The following COG5 variants were observed in gnomAD, a reference collection of about 807,000 sequenced individuals.
COG5 encodes the protein component of oligomeric golgi complex 5.
COG5 carries 86 observed loss-of-function variants against 110.4 expected under a neutral mutation model. That is an observed-to-expected ratio of 0.78 (90% CI 0.65 to 0.93). The LOEUF (loss-of-function observed/expected upper bound fraction) is 0.93. Among genes scored for constraint, COG5 ranks in the 40% least tolerant of loss-of-function variants. The pLI is 0.00. For synonymous variants in COG5, 360 were observed against 334.6 expected (o/e 1.08, Z -0.83); for missense variants, 1,077 against 987.0 (o/e 1.09, Z -1.22).
At chr7:107,371,920 C>A (rs1011316271) in intron 8 of COG5, among the ~76,000 whole-genome samples, 1 of 152,072 alleles carries the variant, frequency 6.6e-6, no homozygotes, top group East Asian at 1.9e-4. Flanking sequence ...AGGGGAGAAA[C>A]AGAGAGATGG....
intron 17 of COG5, among the ~76,000 whole-genome samples, chr7:107,247,072 C>T (rs1802112563): frequency 6.6e-6 from 1 of 152,178 alleles, no homozygotes. Flanking sequence ...TTTGTGGGAA[C>T]ATGGATGGAG....
chr7:107,443,884 T>C (rs1794862442), intron 6 of COG5, among the ~76,000 whole-genome samples: 1 of 152,220 alleles, frequency 6.6e-6, no homozygotes, highest in South Asian at 2.1e-4. Flanking sequence ...GAGCTATAAA[T>C]GAGATCTCTA....
At chr7:107,361,935 G>A in intron 10 of COG5, 98 bp downstream of exon 10, 1 of 759,136 alleles carries the variant, frequency 1.3e-6, no homozygotes, top group African/African-American at 1.7e-5. Flanking sequence ...CATCTGATAT[G>A]TAGCCACTCT....
intron 11 of COG5, among the ~76,000 whole-genome samples, chr7:107,319,339 C>G (rs1323320203): frequency 6.6e-6 from 1 of 152,182 alleles, no homozygotes; most frequent in East Asian, 1.9e-4. Flanking sequence ...TTTCCTGCTT[C>G]TTCTCATGTC....
chr7:107,344,967 T>A (rs1357045578), intron 10 of COG5, among the ~76,000 whole-genome samples: 1 of 152,214 alleles, frequency 6.6e-6, no homozygotes, highest in African/African-American at 2.4e-5. Context: ...ACATGTCTTC[T>A]CCACAAAGCT....
intron 14 of COG5, among the ~76,000 whole-genome samples, chr7:107,276,135 A>T (rs763356502): frequency 2.0e-5 from 3 of 152,152 alleles, no homozygotes; most frequent in Non-Finnish European, 2.9e-5. Context: ...CTCACAGTTC[A>T]TAACATTTGC....
intron 12 of COG5, among the ~76,000 whole-genome samples, chr7:107,290,546 T>C (rs1806079882): frequency 6.6e-6 from 1 of 152,218 alleles, no homozygotes; most frequent in Non-Finnish European, 1.5e-5. Context: ...GGATTCGAAT[T>C]ATCTGGGGTC....
chr7:107,494,803 T>C (rs1323931673), intron 6 of COG5, among the ~76,000 whole-genome samples: 2 of 152,158 alleles, frequency 1.3e-5, no homozygotes, highest in Admixed American at 6.5e-5. Context: ...TTTTGTCTAA[T>C]GGCACTCACT....
At position 107,322,950 on chromosome 7, in the gene COG5, T is replaced by C. The variant is rs368919887; in HGVS notation, c.1108+1490A>G. On this transcript the variant is annotated intron_variant, in intron 11 of 21. Coordinates refer to ENST00000297135, the MANE Select transcript of COG5 (RefSeq NM_006348.5). ...CTTAATTATGCTGATGATCAAATAA[T>C]GCATACTATATGATTCTAGTTGTTG... is the stretch of plus-strand genomic sequence containing the variant. Among the ~76,000 whole-genome samples, 14 of 152,294 alleles carry C rather than the reference T, an allele frequency of 9.2e-5. No individual in the cohort carries two copies. In the East Asian group the frequency reaches 2.7e-3, roughly 29 times the overall value.
chr7:107,372,458 A>G (rs1814261450), intron 8 of COG5, 137 bp downstream of exon 8: 1 of 824,078 alleles, frequency 1.2e-6, no homozygotes, highest in Non-Finnish European at 1.9e-6. Flanking sequence ...ATTCTGAAAC[A>G]TAATTTCTTC....
intron 7 of COG5, among the ~76,000 whole-genome samples, chr7:107,383,884 G>T (rs764479617): frequency 6.6e-6 from 1 of 152,112 alleles, no homozygotes; most frequent in Non-Finnish European, 1.5e-5. Flanking sequence ...CCTCCAAACT[G>T]CAAAGAATTT....
chr7:107,484,407 C>T (rs1251698727), intron 6 of COG5, among the ~76,000 whole-genome samples: 1 of 152,088 alleles, frequency 6.6e-6, no homozygotes, highest in Non-Finnish European at 1.5e-5. Flanking sequence ...ATTCTACATA[C>T]TTTCTACTAG....
chr7:107,548,198 A>G lies in COG5; in HGVS notation c.348-18T>C. On this transcript the variant is annotated intron_variant, in intron 4 of 21. Transcript: ENST00000297135. ...CTTTTATCCTACAGGAAAAGAGAGG[A>G]GTGAGAATAAAATCATTTTCAGAAT... The G allele has an allele frequency of 2.5e-6, 4 of 1,610,376 alleles. No individual in the cohort carries two copies. The highest frequency in any genetic ancestry group is 3.4e-6 in the Non-Finnish European group (4 of 1,176,660).
In COG5 at chr7:107,203,400, G is replaced by C; in HGVS notation, c.*116C>G. 2 of 770,370 alleles carry C rather than the reference G, an allele frequency of 2.6e-6. No individual in the cohort carries two copies. Among genetic ancestry groups the C allele is most frequent in the Non-Finnish European group, 4.6e-6 (2 of 431,662 alleles). 47.7% of individuals were successfully genotyped at this position (770,370 alleles called of 1,614,324 possible). On this transcript the variant is annotated 3_prime_UTR_variant, in exon 22 of 22. Transcript: ENST00000297135. ...TAAATAAACGTCGATAGGAAATACC[G>C]AACAATCAATTACATTCTTAAAATA...
chr7:107,307,204 C>T (rs930852924), intron 11 of COG5, among the ~76,000 whole-genome samples: 3 of 152,158 alleles, frequency 2.0e-5, no homozygotes, highest in South Asian at 2.1e-4. Flanking sequence ...GTGAAAATCA[C>T]GCTATCATTC....
At position 107,210,595 on chromosome 7, in the gene COG5, C is replaced by G; in HGVS notation, c.2306G>C (p.Trp769Ser). ...CCACTGAGAGAAGCGTGTGTGGGAC[C>G]ACTCTGCCCTCTGCAGGGTTGAAAC... The part of the protein sequence containing the change: ...ELKSPFQRAE[W>S]SHTRFSQWLD... The change falls in exon 21 of 22, where the codon TGG (tryptophan) becomes TCG (serine). Residue 769 changes from tryptophan to serine, a missense_variant. Trp to Ser is a radical substitution (Grantham distance 177). Coordinates refer to ENST00000297135, the MANE Select transcript of COG5 (RefSeq NM_006348.5). The G allele has an allele frequency of 6.2e-7, 1 of 1,601,988 alleles. No homozygotes were observed. The highest frequency in any genetic ancestry group is 8.5e-7 in the Non-Finnish European group (1 of 1,173,990).
At position 107,469,409 on chromosome 7, in the gene COG5, G is replaced by A. The variant is rs192553426; in HGVS notation, c.539-56777C>T. Among the ~76,000 whole-genome samples the A allele has an allele frequency of 2.0e-4, 30 of 152,142 alleles. No individual in the cohort carries two copies. The East Asian group carries it at 5.4e-3, about 27-fold the overall frequency. On this transcript the variant is annotated intron_variant, in intron 6 of 21. Transcript: ENST00000297135. ...ATTGAAGTTTTATACCCGAGACTAA[G>A]CTACTATAATGAAATGTTTAAAAAA...
intron 10 of COG5, among the ~76,000 whole-genome samples, chr7:107,349,560 T>C (rs1319666569): frequency 6.6e-6 from 1 of 151,308 alleles, no homozygotes; most frequent in African/African-American, 2.4e-5. Context: ...GCCATCATGC[T>C]TGGCTTTTTT....
At chr7:107,495,361 G>C (rs1009691791) in intron 6 of COG5, among the ~76,000 whole-genome samples, 2 of 152,108 alleles carry the variant, frequency 1.3e-5, no homozygotes, top group African/African-American at 4.8e-5. Flanking sequence ...TTAAAGAACT[G>C]AGCAAAACCA....
Sources: allele counts gnomAD v4.1 joint callset (sites outside exome capture counted in the v4.1 genomes callset), GRCh38; gene constraint gnomAD v4.1.1; transcripts MANE v1.5; gene names NCBI Gene and HGNC (gene_info 2026-07-23, HGNC 2026-07-21).